The following C2CD3 variants were observed in gnomAD, a reference collection of about 807,000 sequenced individuals.
C2CD3 encodes C2 domain containing 3 centriole elongation regulator.
A neutral mutation model predicts 234.0 loss-of-function variants in C2CD3; 148 were observed. That is an observed-to-expected ratio of 0.63 (90% confidence interval 0.55 to 0.72). The LOEUF is 0.72. C2CD3 is among the 30% of genes least tolerant of loss of function. The pLI is 0.00. For synonymous variants in C2CD3, 1,000 were observed against 1,035.4 expected (o/e 0.97, Z 0.66); for missense variants, 2,577 against 2,811.5 (o/e 0.92, Z 1.89).
At chr11:74,142,749 G>T (rs1380477892) in intron 3 of C2CD3, among the ~76,000 whole-genome samples, 2 of 152,070 alleles carry the variant, frequency 1.3e-5, no homozygotes, top group Admixed American at 6.6e-5. Context: ...TAAAACAGAA[G>T]AATGTTCTGT....
At chr11:74,168,773 T>G (rs956729115) in intron 1 of C2CD3, among the ~76,000 whole-genome samples, 160 bp from the exon 2 acceptor site, 17 of 152,250 alleles carry the variant, frequency 1.1e-4, no homozygotes, top group African/African-American at 4.1e-4. Context: ...TTCTAATACA[T>G]GAGAAGTAAC....
At chr11:74,017,306 C>T (rs1450428996) in intron 32 of C2CD3, among the ~76,000 whole-genome samples, 6 of 152,130 alleles carry the variant, frequency 3.9e-5, no homozygotes, top group Admixed American at 6.5e-5. Context: ...TCCTGTGGAC[C>T]GGGTGTCAAG....
At chr11:74,138,554 T>C (rs1957943808) in intron 5 of C2CD3, among the ~76,000 whole-genome samples, 166 bp downstream of exon 5, 1 of 152,244 alleles carries the variant, frequency 6.6e-6, no homozygotes, top group Non-Finnish European at 1.5e-5. Context: ...GGTGGTTTAA[T>C]ACGGCTGTCT....
chr11:74,074,659 G>A, intron 23 of C2CD3, 59 bp from the exon 24 acceptor site: 4 of 1,367,852 alleles, frequency 2.9e-6, no homozygotes, highest in South Asian at 1.4e-5. Context: ...CAAGCTTGGA[G>A]GAAATACTCA....
chr11:74,137,637 T>G (rs372765118), intron 5 of C2CD3, among the ~76,000 whole-genome samples: 1 of 151,776 alleles, frequency 6.6e-6, no homozygotes, highest in East Asian at 1.9e-4. Flanking sequence ...CAGGCTGGAG[T>G]GCAGTGGTAC....
intron 29 of C2CD3, among the ~76,000 whole-genome samples, chr11:74,041,635 G>A (rs1953064446): frequency 6.6e-6 from 1 of 152,174 alleles, no homozygotes; most frequent in Admixed American, 6.5e-5. Context: ...TGATCTAGCT[G>A]ATCTATCATC....
intron 14 of C2CD3, 149 bp downstream of exon 14, chr11:74,102,982 T>C (rs1039437136): frequency 4.1e-6 from 3 of 735,180 alleles, no homozygotes; most frequent in Non-Finnish European, 6.8e-6. Context: ...CCTCTTCCCA[T>C]CCAATAGTGG....
chr11:74,114,371 G>C lies in C2CD3; in HGVS notation c.1730+13C>G. On this transcript the variant is annotated intron_variant, in intron 10 of 32. Coordinates refer to ENST00000334126, the MANE Select transcript of C2CD3 (RefSeq NM_001286577.2). ...AAAATGTCAAATTTAGCTTTCTCAT[G>C]TTAGAGACATACCGCTTTTTTGCTG... The C allele has an allele frequency of 2.5e-6, 4 of 1,600,770 alleles. No homozygotes were observed. Among genetic ancestry groups the C allele is most frequent in the Non-Finnish European group, 3.4e-6 (4 of 1,168,840 alleles).
At chr11:74,029,756 ATTTTG>A (rs778780467) in intron 31 of C2CD3, among the ~76,000 whole-genome samples, 3 of 151,928 alleles carry the variant, frequency 2.0e-5, no homozygotes, top group Non-Finnish European at 4.4e-5. Context: ...ACCAACTTTT[ATTTTG>A]TTATGTTTTT....
At chr11:74,116,833 T>G (rs1375245794) in intron 9 of C2CD3, among the ~76,000 whole-genome samples, 1 of 144,120 alleles carries the variant, frequency 6.9e-6, no homozygotes, top group East Asian at 2.1e-4. Flanking sequence ...TATACGTGTG[T>G]GTATATATAC....
intron 9 of C2CD3, among the ~76,000 whole-genome samples, chr11:74,114,841 A>G (rs1007298237): frequency 2.0e-5 from 3 of 152,084 alleles, no homozygotes; most frequent in African/African-American, 7.2e-5. Context: ...AGCTGGGACC[A>G]CAAGCATGGG....
chr11:74,136,122 G>GA lies in C2CD3; in HGVS notation c.956-2566dup, dbSNP rs575109310. On this transcript the variant is annotated intron_variant, in intron 5 of 32. Transcript: ENST00000334126. The stretch of plus-strand genomic sequence containing the variant: ...TACCTCCTGAATCTAAAATAAAATT[G>GA]AAAAAAAAAAAAGATTTTATCCAGC... Among the ~76,000 whole-genome samples the GA allele has an allele frequency of 4.3e-3, 574 of 133,294 alleles. 4 individuals are homozygous for GA. The highest frequency in any genetic ancestry group is 0.01 in the African/African-American group (377 of 36,300). The allele number at this position is 133,294 out of a possible 152,430, so 87.4% of individuals were successfully genotyped here.
chr11:74,093,229 G>C (rs954240608), intron 18 of C2CD3, among the ~76,000 whole-genome samples: 1 of 150,820 alleles, frequency 6.6e-6, no homozygotes, highest in Admixed American at 6.6e-5. Context: ...ATGTAAAGGG[G>C]TGGGTTGAAC....
At chr11:74,041,948 C>CCACCTA in intron 29 of C2CD3, 106 bp downstream of exon 29, 1 of 1,122,292 alleles carries the variant, frequency 8.9e-7, no homozygotes, top group South Asian at 1.5e-5. Context: ...TACTAATGTT[C>CCACCTA]CTAGGGCGGT....
chr11:74,155,571 C>T (rs1214629668), intron 3 of C2CD3, among the ~76,000 whole-genome samples: 1 of 152,082 alleles, frequency 6.6e-6, no homozygotes, highest in Non-Finnish European at 1.5e-5. Flanking sequence ...AAAAGGGATG[C>T]ACTTCTGATA....
At chr11:74,164,308 T>C in intron 2 of C2CD3, 2 of 900,484 alleles carry the variant, frequency 2.2e-6, no homozygotes, top group Non-Finnish European at 2.7e-6. Flanking sequence ...TCTACTCTAG[T>C]AGTTCCATGC....
At chr11:74,165,144 T>C (rs1454778497) in intron 2 of C2CD3, among the ~76,000 whole-genome samples, 1 of 152,226 alleles carries the variant, frequency 6.6e-6, no homozygotes, top group Non-Finnish European at 1.5e-5. Context: ...GATGATAGAC[T>C]TGAAAGTATT....
Position 74,109,271 on chromosome 11 carries a change from G to A in C2CD3, c.1844-119C>T, listed in dbSNP as rs1265963295. On this transcript the variant is annotated intron_variant, in intron 11 of 32. Transcript: ENST00000334126. ...TTAATTAAAATCTCCTGCAGAAATC[G>A]AGTCAGTGTGCTTTCACAGAAAGTG... The A allele has an allele frequency of 9.8e-6, 6 of 611,140 alleles. No homozygotes were observed. In the South Asian group the frequency reaches 1.2e-4, roughly 12 times the overall value. 37.9% of individuals were successfully genotyped at this position (611,140 alleles called of 1,614,324 possible).
Position 74,033,669 on chromosome 11 carries a change from C to T in C2CD3, c.6491G>A (p.Gly2164Asp). The change falls in exon 31 of 33, where the codon GGT becomes GAT. Residue 2164 changes from glycine to aspartate, a missense_variant. Transcript: ENST00000334126. ...AGGGTTGGCTGAGGCAGACTCGCCACCAACCCTGGCCTTAGAGGCCTCACA... is the reference window on the plus strand; with the variant it reads ...AGGGTTGGCTGAGGCAGACTCGCCATCAACCCTGGCCTTAGAGGCCTCACA... ...CECEASKARV[G>D]GESASANPQP... 4 of 1,536,236 alleles carry T rather than the reference C, an allele frequency of 2.6e-6. No homozygotes were observed. Among genetic ancestry groups the T allele is most frequent in the Non-Finnish European group, 3.5e-6 (4 of 1,146,914 alleles).
Sources: gnomAD v4.1 joint callset for allele counts (sites outside exome capture counted in the v4.1 genomes callset) on GRCh38, gnomAD v4.1.1 for gene constraint, MANE v1.5 for transcripts, NCBI Gene and HGNC (gene_info 2026-07-23, HGNC 2026-07-21) for gene names.